The following ESRRG variants were observed in gnomAD, a reference collection of about 807,000 sequenced individuals.
ESRRG encodes estrogen-related receptor gamma.
A neutral mutation model predicts 44.0 loss-of-function variants in ESRRG; 13 were observed. The observed-to-expected ratio is 0.30, with a 90% CI of 0.19 to 0.47. ESRRG has a LOEUF of 0.47. ESRRG is among the 20% of genes least tolerant of loss of function. ESRRG has a pLI of 1.00. For missense variants in ESRRG, 395 were observed against 580.6 expected, an observed-to-expected ratio of 0.68 and a Z score of 3.29; for synonymous variants, 215 against 214.6, an observed-to-expected ratio of 1.00 and a Z score of -0.02.
At chr1:217,050,907 A>T in intron 1 of ESRRG, among the ~76,000 whole-genome samples, 1 of 152,074 alleles carries the variant, frequency 6.6e-6, no homozygotes, top group East Asian at 1.9e-4. Flanking sequence ...GCTGTTTTAG[A>T]TGACTGCTCT....
At chr1:216,509,207 G>T (rs1055600512) in intron 6 of ESRRG, among the ~76,000 whole-genome samples, 1 of 152,122 alleles carries the variant, frequency 6.6e-6, no homozygotes, top group African/African-American at 2.4e-5. Context: ...CACTAAATTT[G>T]CATTCCCTTA....
At chr1:217,103,299 G>A (rs565273134) in intron 1 of ESRRG, among the ~76,000 whole-genome samples, 3 of 152,086 alleles carry the variant, frequency 2.0e-5, no homozygotes, top group African/African-American at 7.2e-5. Flanking sequence ...AGGAGAAAGA[G>A]GGTTTCCCAG....
At chr1:216,867,508 C>T (rs1030848) in intron 2 of ESRRG, among the ~76,000 whole-genome samples, 75,404 of 151,936 alleles carry the variant, frequency 0.5, 21,470 homozygotes, top group African/African-American at 0.79. Flanking sequence ...CTTAAGATAA[C>T]ATATCTTTGT....
At chr1:216,817,563 G>C (rs2095177548) in intron 2 of ESRRG, among the ~76,000 whole-genome samples, 1 of 152,142 alleles carries the variant, frequency 6.6e-6, no homozygotes, top group South Asian at 2.1e-4. Context: ...TTACTCGACA[G>C]AACAGAGACA....
At chr1:216,699,761 A>C (rs1381670045) in intron 1 of ESRRG, among the ~76,000 whole-genome samples, 1 of 152,210 alleles carries the variant, frequency 6.6e-6, no homozygotes. Flanking sequence ...CATGTGAGTT[A>C]ATTTACAAAT....
intron 1 of ESRRG, chr1:216,714,777 T>C (rs2084448862): frequency 6.3e-6 from 1 of 159,602 alleles, no homozygotes; most frequent in African/African-American, 2.4e-5. Flanking sequence ...TGTAAATAGA[T>C]GATCTGTTCT....
intron 1 of ESRRG, among the ~76,000 whole-genome samples, chr1:216,684,239 C>T (rs1267900513): frequency 6.6e-6 from 1 of 152,106 alleles, no homozygotes; most frequent in Non-Finnish European, 1.5e-5. Context: ...ATTTGTATTG[C>T]CAGGTGATTT....
At chr1:217,131,842 G>C (rs79071563) in intron 1 of ESRRG, among the ~76,000 whole-genome samples, 2 of 152,142 alleles carry the variant, frequency 1.3e-5, no homozygotes, top group Non-Finnish European at 2.9e-5. Context: ...TAGTTCTCTG[G>C]GTTCTCCCTA....
chr1:216,937,061 T>C lies in ESRRG; in HGVS notation c.-14+2521A>G, dbSNP rs115105914. 2.3e-3 allele frequency among the ~76,000 whole-genome samples: 353 copies of C among 152,030 alleles called. 2 individuals carry two copies. The highest frequency in any genetic ancestry group is 8.1e-3 in the African/African-American group (334 of 41,466). ...GTTTTTCCCTTGTAATTGGTACTTA[T>C]CTTTGCCCCCAAGAAAGAAAGATAT... On this transcript the variant is annotated intron_variant, in intron 2 of 7. Coordinates refer to the ESRRG transcript ENST00000359162.
chr1:216,700,119 C>G (rs1243075643), intron 1 of ESRRG, among the ~76,000 whole-genome samples: 4 of 58,550 alleles, frequency 6.8e-5, no homozygotes, highest in African/African-American at 1.9e-4. Flanking sequence ...CCCGCAGCCC[C>G]GCACCTTTTT....
At chr1:216,530,328 A>G (rs1376639162) in intron 5 of ESRRG, among the ~76,000 whole-genome samples, 1 of 140,520 alleles carries the variant, frequency 7.1e-6, no homozygotes, top group Non-Finnish European at 1.5e-5. Context: ...CTATCTATCT[A>G]TCTATCTTCA....
At chr1:216,817,026 G>A (rs919470399) in intron 2 of ESRRG, among the ~76,000 whole-genome samples, 1 of 151,126 alleles carries the variant, frequency 6.6e-6, no homozygotes, top group Non-Finnish European at 1.5e-5. Flanking sequence ...GCATCAAAGA[G>A]TGCAAACCAT....
intron 2 of ESRRG, among the ~76,000 whole-genome samples, chr1:216,674,332 G>C (rs867627235): frequency 6.6e-6 from 1 of 152,058 alleles, no homozygotes; most frequent in Non-Finnish European, 1.5e-5. Flanking sequence ...TTAAACTTAA[G>C]TATTCTGAGG....
intron 1 of ESRRG, among the ~76,000 whole-genome samples, chr1:217,059,249 A>G (rs1436278442): frequency 6.6e-6 from 1 of 150,790 alleles, no homozygotes; most frequent in Non-Finnish European, 1.5e-5. Context: ...ACTATATAAT[A>G]ACCATGGTTA....
chr1:216,590,695 T>C (rs2057500810), intron 3 of ESRRG, among the ~76,000 whole-genome samples: 2 of 152,170 alleles, frequency 1.3e-5, no homozygotes, highest in Non-Finnish European at 2.9e-5. Context: ...TAATTTCAAG[T>C]CTTTAGACAG....
intron 2 of ESRRG, among the ~76,000 whole-genome samples, chr1:216,736,426 A>G (rs1575940748): frequency 6.6e-6 from 1 of 151,546 alleles, no homozygotes; most frequent in African/African-American, 2.4e-5. Context: ...CTCGTGATCC[A>G]CCCGCCTCGG....
chr1:216,954,618 T>C (rs995896375), intron 1 of ESRRG, among the ~76,000 whole-genome samples: 1 of 152,178 alleles, frequency 6.6e-6, no homozygotes, highest in African/African-American at 2.4e-5. Flanking sequence ...CCTTGAGCAT[T>C]CCACCAGTTG....
chr1:216,824,320 C>T lies in ESRRG; in HGVS notation c.-14+115262G>A, dbSNP rs142206665. Among the ~76,000 whole-genome samples the T allele has an allele frequency of 3.5e-4, 53 of 152,166 alleles. No homozygotes were observed. In the East Asian group the frequency reaches 6.6e-3, roughly 19 times the overall value. ...CATTAGCCGGGCATGGTGGTGGGTG[C>T]CTGTAATCTCAGCTACTCAGAAGGC... On this transcript the variant is annotated intron_variant, in intron 2 of 7. Transcript: ENST00000359162.
At position 216,866,538 on chromosome 1, in the gene ESRRG, T is replaced by C. The variant is rs143004013; in HGVS notation, c.-14+73044A>G. Among the ~76,000 whole-genome samples, 13 of 151,242 alleles carry C rather than the reference T, an allele frequency of 8.6e-5. No homozygotes were observed. In the East Asian group the frequency reaches 2.1e-3, roughly 25 times the overall value. ...GCAGAAATATCTATATCTCATGATATCTTTATCTTTCTTTGTTTCTTTCTT... is the reference window on the plus strand; with the variant it reads ...GCAGAAATATCTATATCTCATGATACCTTTATCTTTCTTTGTTTCTTTCTT... On this transcript the variant is annotated intron_variant, in intron 2 of 7. Transcript: ENST00000359162.
Sources: allele counts gnomAD v4.1 joint callset (sites outside exome capture counted in the v4.1 genomes callset), GRCh38; gene constraint gnomAD v4.1.1; transcripts MANE v1.5; gene names NCBI Gene and HGNC (gene_info 2026-07-23, HGNC 2026-07-21).